Variants in ANO7 observed in about 807,000 individuals in gnomAD.
ANO7 encodes anoctamin 7.
Under a neutral mutation model 115.8 loss-of-function variants are expected in ANO7, and 114 were observed. That is an observed-to-expected ratio of 0.98 (90% CI 0.85 to 1.15). ANO7 has a LOEUF of 1.15. ANO7 is among the 50% of genes most tolerant of loss of function. ANO7 has a pLI of 0.00. For missense variants in ANO7, 1,302 were observed against 1,201.2 expected (o/e 1.08, Z -1.24); for synonymous variants, 550 against 498.2 (o/e 1.10, Z -1.38).
intron 3 of ANO7, among the ~76,000 whole-genome samples, chr2:241,194,173 C>CA (rs1293273448): frequency 7.0e-6 from 1 of 142,398 alleles, no homozygotes; most frequent in Non-Finnish European, 1.5e-5. Flanking sequence ...CCGTACCTGG[C>CA]CTTTAATTTT....
chr2:241,231,308 C>T, the ANO7 span: 120 of 163,730 alleles, frequency 7.3e-4, 1 homozygote, highest in Middle Eastern at 0.016. Flanking sequence ...TGCTTGAACC[C>T]GGGAGGCGGA....
intron 6 of ANO7, 110 bp from the exon 7 acceptor site, chr2:241,201,188 C>T (rs2068460927): frequency 7.7e-7 from 1 of 1,299,876 alleles, no homozygotes; most frequent in Non-Finnish European, 1.0e-6. Context: ...AGCACCCGGG[C>T]CCCAAACCTT....
chr2:241,240,090 G>C, the ANO7 span: 4 of 1,614,160 alleles, frequency 2.5e-6, no homozygotes, highest in Non-Finnish European at 3.4e-6. The surrounding 1 kb of genome is among the most constrained non-coding windows in gnomAD (Gnocchi z 5.5). Flanking sequence ...ATTCTGGCTT[G>C]GCGCGGATGT....
intron 17 of ANO7, among the ~76,000 whole-genome samples, chr2:241,214,562 CA>C (rs1022002052): frequency 5.3e-5 from 8 of 152,190 alleles, no homozygotes; most frequent in African/African-American, 1.9e-4. Flanking sequence ...ACTGGGGTGC[CA>C]TTAGGTACAT....
chr2:241,191,401 C>A, intron 3 of ANO7, 150 bp downstream of exon 3: 2 of 922,990 alleles, frequency 2.2e-6, no homozygotes, highest in Non-Finnish European at 3.3e-6. Flanking sequence ...GGGGTGAGGG[C>A]CTCGGGGTGA....
At chr2:241,240,006 G>A in the ANO7 span, 1 of 1,614,242 alleles carries the variant, frequency 6.2e-7, no homozygotes, top group Non-Finnish European at 8.5e-7. The surrounding 1 kb of genome is among the most constrained non-coding windows in gnomAD (Gnocchi z 5.5). Flanking sequence ...CCGCAGGGAA[G>A]ATGACACGTG....
chr2:241,199,368 C>G lies in ANO7; in HGVS notation c.362C>G (p.Ser121Cys). 14 of 1,613,872 alleles carry G rather than the reference C, an allele frequency of 8.7e-6. No homozygotes were observed. The highest frequency in any genetic ancestry group is 1.2e-5 in the Non-Finnish European group (14 of 1,180,036). ...GTGCACTACGCCCTCCTCAGCGCCTCCTGGGCTGTGCTCTGCTACTACGCC... is the reference window on the plus strand; with the variant it reads ...GTGCACTACGCCCTCCTCAGCGCCTGCTGGGCTGTGCTCTGCTACTACGCC... ...TTVHYALLSA[S>C]WAVLCYYAED... The change falls in exon 5 of 25, where the codon TCC becomes TGC. Residue 121 changes from serine (S) to cysteine (C), a missense_variant. Coordinates refer to ENST00000674324, the MANE Select transcript of ANO7 (RefSeq NM_001370694.2).
chr2:241,189,225 C>G (rs1286388128), intron 1 of ANO7, among the ~76,000 whole-genome samples: 1 of 152,182 alleles, frequency 6.6e-6, no homozygotes, highest in African/African-American at 2.4e-5. Context: ...AGACCTGGCT[C>G]GGGCTTCAGG....
At chr2:241,213,400 C>T (rs2068759243) in intron 17 of ANO7, among the ~76,000 whole-genome samples, 1 of 152,234 alleles carries the variant, frequency 6.6e-6, no homozygotes, top group Admixed American at 6.5e-5. Context: ...GAGAGCCAGG[C>T]GTGAACCTGG....
Position 241,203,186 on chromosome 2 carries a change from T to A in ANO7, c.724-147T>A. 317 of 407,546 alleles carry A rather than the reference T, an allele frequency of 7.8e-4. No homozygotes were observed. The highest frequency in any genetic ancestry group is 2.2e-3 in the Middle Eastern group (3 of 1,350). The allele number at this position is 407,546 out of a possible 1,614,324, so 25.2% of individuals were successfully genotyped here. A position where few individuals can be genotyped will look rare whatever the true frequency, so the allele number is the denominator to read the frequency against. ...TCCCGGACCACCCTGTACCCACCCC[T>A]CCACATTACTCTATTTTTTCTTCAT... On this transcript the variant is annotated intron_variant, in intron 8 of 24. Coordinates refer to ENST00000674324, the MANE Select transcript of ANO7 (RefSeq NM_001370694.2). This position sits in a 1 kb window ranked among gnomAD's most constrained non-coding sequence, Gnocchi z 4.8.
At chr2:241,230,983 A>G in the ANO7 span, 1 of 1,569,490 alleles carries the variant, frequency 6.4e-7, no homozygotes, top group Non-Finnish European at 8.8e-7. The surrounding 1 kb of genome is among the most constrained non-coding windows in gnomAD (Gnocchi z 5.0). Context: ...GGGATGCCTT[A>G]CTGGGATTCC....
downstream of ANO7, among the ~76,000 whole-genome samples, chr2:241,226,213 A>G (rs1159341660): frequency 6.6e-6 from 1 of 151,704 alleles, no homozygotes; most frequent in African/African-American, 2.4e-5. Context: ...CCACCACCTT[A>G]GCCACCAAGC....
At chr2:241,213,455 G>A (rs1390234577) in intron 17 of ANO7, among the ~76,000 whole-genome samples, 1 of 152,226 alleles carries the variant, frequency 6.6e-6, no homozygotes, top group African/African-American at 2.4e-5. Context: ...AGGATGAAGC[G>A]TTGTTGTCAC....
At chr2:241,238,852 C>T in the ANO7 span, 4 of 1,338,040 alleles carry the variant, frequency 3.0e-6, no homozygotes, top group South Asian at 3.2e-5. The surrounding 1 kb of genome is among the most constrained non-coding windows in gnomAD (Gnocchi z 4.9). Context: ...GCAAGTTTTA[C>T]AGCACTCTTC....
chr2:241,201,479 G>C, intron 7 of ANO7, 124 bp downstream of exon 7: 1 of 1,078,562 alleles, frequency 9.3e-7, no homozygotes, highest in Non-Finnish European at 1.3e-6. Flanking sequence ...CCTGGAGCCC[G>C]GAGGCTTTGG....
chr2:241,214,780 G>A, intron 17 of ANO7, 25 bp from the exon 18 acceptor site: 1 of 1,605,366 alleles, frequency 6.2e-7, no homozygotes, highest in Non-Finnish European at 8.5e-7. Flanking sequence ...CCCTCTCCCA[G>A]CTAACCTGAG....
chr2:241,233,856 C>T, the ANO7 span: 1 of 1,614,214 alleles, frequency 6.2e-7, no homozygotes, highest in South Asian at 1.1e-5. This position sits in a 1 kb window ranked among gnomAD's most constrained non-coding sequence, Gnocchi z 4.3. Flanking sequence ...ACTGGATGTT[C>T]ACGTCATGCT....
chr2:241,233,724 G>A, the ANO7 span: 22 of 1,411,434 alleles, frequency 1.6e-5, no homozygotes, highest in Admixed American at 7.4e-5. This position sits in a 1 kb window ranked among gnomAD's most constrained non-coding sequence, Gnocchi z 4.3. Flanking sequence ...CTTGGCCCTC[G>A]AACCCCCATC....
At chr2:241,218,435 C>CGGG in intron 21 of ANO7, 54 bp downstream of exon 21, 1 of 1,054,780 alleles carries the variant, frequency 9.5e-7, no homozygotes. Flanking sequence ...CGAGGCGGAG[C>CGGG]GGGGCTCGGG....
Sources: gnomAD v4.1 joint callset for allele counts (sites outside exome capture counted in the v4.1 genomes callset) on GRCh38, gnomAD v4.1.1 for gene constraint, Gnocchi (gnomAD v3.1) non-coding constraint, MANE v1.5 for transcripts, NCBI Gene and HGNC (gene_info 2026-07-23, HGNC 2026-07-21) for gene names.